The following KSR2 variants were observed in gnomAD, a reference collection of about 807,000 sequenced individuals.
KSR2 encodes kinase suppressor of ras 2.
A neutral mutation model predicts 107.8 loss-of-function variants in KSR2; 25 were observed. That is an observed-to-expected ratio of 0.23 (90% CI 0.17 to 0.32). The LOEUF is 0.32. Among genes scored for constraint, KSR2 ranks in the 10% least tolerant of loss-of-function variants. KSR2 has a pLI of 1.00. For synonymous variants in KSR2, 480 were observed against 507.0 expected, an observed-to-expected ratio of 0.95 and a Z score of 0.71; for missense variants, 887 against 1,268.9, an observed-to-expected ratio of 0.70 and a Z score of 4.57.
At position 117,890,381 on chromosome 12, in the gene KSR2, C is replaced by T. The variant is rs116971675; in HGVS notation, c.181-29950G>A. ...GCCCAGCCACATGTCCACAGAGCAC[C>T]AGATAGTACCTTTGGTGTGAATCTT... On this transcript the variant is annotated intron_variant, in intron 1 of 19. Coordinates refer to ENST00000339824, the MANE Select transcript of KSR2 (RefSeq NM_173598.6). 8.7e-3 allele frequency among the ~76,000 whole-genome samples: 1,331 copies of T among 152,290 alleles called. 8 individuals are homozygous for T. The highest frequency in any genetic ancestry group is 0.012 in the Non-Finnish European group (814 of 68,024).
chr12:117,714,773 G>C (rs150120037), intron 4 of KSR2, among the ~76,000 whole-genome samples: 1 of 152,260 alleles, frequency 6.6e-6, no homozygotes, highest in African/African-American at 2.4e-5. Context: ...TCACAACTTG[G>C]GGGCAGGAGT....
intron 1 of KSR2, among the ~76,000 whole-genome samples, chr12:117,865,713 C>T (rs988239402): frequency 2.6e-5 from 4 of 152,182 alleles, no homozygotes; most frequent in Non-Finnish European, 5.9e-5. Flanking sequence ...CGTCATGCCT[C>T]GTGCCTTTAA....
intron 4 of KSR2, among the ~76,000 whole-genome samples, chr12:117,694,019 A>C (rs1030380522): frequency 6.6e-6 from 1 of 152,196 alleles, no homozygotes; most frequent in African/African-American, 2.4e-5. Context: ...TTTAGGTGAT[A>C]AGTGAAAGGG....
chr12:117,740,561 G>A (rs1888161853), intron 4 of KSR2, among the ~76,000 whole-genome samples: 1 of 121,616 alleles, frequency 8.2e-6, no homozygotes, highest in African/African-American at 3.1e-5. Flanking sequence ...TATAATATAT[G>A]AATATATAAC....
intron 1 of KSR2, among the ~76,000 whole-genome samples, chr12:117,883,350 T>C (rs1894083407): frequency 6.6e-6 from 1 of 152,234 alleles, no homozygotes; most frequent in Non-Finnish European, 1.5e-5. Flanking sequence ...GTTTCTAAAA[T>C]GCCTCTCACA....
rs939715638 is a variant in KSR2, at chr12:117,747,024, C to T, written c.986+13987G>A. On this transcript the variant is annotated intron_variant, in intron 4 of 19. Transcript: ENST00000339824. ...TCAACCATTGTGAAAGACAGTATGG[C>T]GATTCCTCAAGGATCTAGAACCAGA... Among the ~76,000 whole-genome samples the T allele has an allele frequency of 4.6e-5, 7 of 152,186 alleles. No individual in the cohort carries two copies. The South Asian group carries it at 6.2e-4, about 14-fold the overall frequency.
At chr12:117,891,416 C>CAA (rs147563190) in intron 1 of KSR2, among the ~76,000 whole-genome samples, 21,817 of 135,398 alleles carry the variant, frequency 0.16, 2,130 homozygotes, top group East Asian at 0.45. Context: ...GACTCCATCT[C>CAA]AAAAAAAAAA....
intron 3 of KSR2, among the ~76,000 whole-genome samples, chr12:117,803,763 G>A (rs1252287313): frequency 6.6e-6 from 1 of 152,132 alleles, no homozygotes; most frequent in East Asian, 1.9e-4. Context: ...CACTAGCTAC[G>A]ATTCTGTCTT....
At chr12:117,611,060 C>T (rs984515945) in intron 5 of KSR2, among the ~76,000 whole-genome samples, 1 of 152,104 alleles carries the variant, frequency 6.6e-6, no homozygotes, top group African/African-American at 2.4e-5. Flanking sequence ...GATTATATCA[C>T]CTAAGTCCTT....
intron 1 of KSR2, among the ~76,000 whole-genome samples, chr12:117,937,869 C>G (rs1895893035): frequency 6.7e-6 from 1 of 149,026 alleles, no homozygotes; most frequent in Non-Finnish European, 1.5e-5. Flanking sequence ...ACTCGGGAGG[C>G]TGAGGCAGGA....
intron 5 of KSR2, among the ~76,000 whole-genome samples, chr12:117,654,053 A>G (rs1884016947): frequency 2.0e-5 from 3 of 152,326 alleles, no homozygotes; most frequent in African/African-American, 2.4e-5. Flanking sequence ...TCTTCTGCAG[A>G]TAACTACTCT....
chr12:117,582,295 C>T lies in KSR2; in HGVS notation c.1236G>A (p.Lys412=). Reference sequence around the variant, plus strand: ...CACACAGGAATCCAGCCTACCTGTGCTTGATGGAGTTGCCGAGATCTCTGC... The same window carrying T: ...CACACAGGAATCCAGCCTACCTGTGTTTGATGGAGTTGCCGAGATCTCTGC... ...IPRRDLGNSI[K]HRFSTKYWMS... The change falls in exon 6 of 20, where the codon AAG becomes AAA. Residue 412 remains lysine, a synonymous_variant. Coordinates refer to ENST00000339824, the MANE Select transcript of KSR2 (RefSeq NM_173598.6). 1.9e-6 allele frequency: 3 copies of T among 1,613,618 alleles called. No individual in the cohort carries two copies. Among genetic ancestry groups the T allele is most frequent in the Non-Finnish European group, 2.5e-6 (3 of 1,179,632 alleles).
chr12:117,663,080 A>AC (rs1414773301), intron 5 of KSR2, among the ~76,000 whole-genome samples: 6 of 152,206 alleles, frequency 3.9e-5, no homozygotes, highest in African/African-American at 1.4e-4. Context: ...CAGCACACTG[A>AC]CAAAGAGGCG....
intron 4 of KSR2, among the ~76,000 whole-genome samples, chr12:117,711,750 T>C (rs1886791325): frequency 6.6e-6 from 1 of 152,230 alleles, no homozygotes; most frequent in Admixed American, 6.5e-5. Context: ...GTTCTATGTA[T>C]TCAACATCAC....
At chr12:117,937,080 T>C (rs1047208566) in intron 1 of KSR2, among the ~76,000 whole-genome samples, 1 of 152,190 alleles carries the variant, frequency 6.6e-6, no homozygotes, top group Non-Finnish European at 1.5e-5. Flanking sequence ...AGCAGACAAC[T>C]AGGGGCAACC....
At chr12:117,476,956 C>A (rs1565864589) in intron 16 of KSR2, among the ~76,000 whole-genome samples, 1 of 149,002 alleles carries the variant, frequency 6.7e-6, no homozygotes, top group Non-Finnish European at 1.5e-5. Context: ...GAAATATGTA[C>A]ACATGCACAC....
Position 117,885,160 on chromosome 12 carries a change from G to A in KSR2, c.181-24729C>T, listed in dbSNP as rs1175802082. Among the ~76,000 whole-genome samples the A allele has an allele frequency of 2.6e-5, 4 of 152,178 alleles. No homozygotes were observed. In the East Asian group the frequency reaches 5.8e-4, roughly 22 times the overall value. On this transcript the variant is annotated intron_variant, in intron 1 of 19. Coordinates refer to ENST00000339824, the MANE Select transcript of KSR2 (RefSeq NM_173598.6). ...CTTCTGAGAGGCTCTGAGAGGCTAAGTGACCCCTCTAGGGTTCCACAGCTG... is the reference window on the plus strand; with the variant it reads ...CTTCTGAGAGGCTCTGAGAGGCTAAATGACCCCTCTAGGGTTCCACAGCTG...
intron 3 of KSR2, among the ~76,000 whole-genome samples, chr12:117,765,433 T>G (rs1566002596): frequency 6.6e-6 from 1 of 152,184 alleles, no homozygotes; most frequent in East Asian, 1.9e-4. Context: ...TTGGGCAAAT[T>G]ACTTAACCTC....
intron 14 of KSR2, among the ~76,000 whole-genome samples, chr12:117,492,638 A>G (rs1224032535): frequency 1.3e-5 from 2 of 152,170 alleles, no homozygotes; most frequent in Non-Finnish European, 1.5e-5. Context: ...TTTACCCTAC[A>G]TGGCAAAGGA....
Sources: gnomAD v4.1 joint callset for allele counts (sites outside exome capture counted in the v4.1 genomes callset) on GRCh38, gnomAD v4.1.1 for gene constraint, MANE v1.5 for transcripts, NCBI Gene and HGNC (gene_info 2026-07-23, HGNC 2026-07-21) for gene names.